OR9G4: variants seen among roughly 807,000 people sequenced by gnomAD.
OR9G4 encodes the protein olfactory receptor 9G4.
Under a neutral mutation model 16.7 loss-of-function variants are expected in OR9G4, and 19 were observed. The observed-to-expected ratio is 1.14, with a 90% CI of 0.79 to 1.67. The LOEUF is 1.67. Among genes scored for constraint, OR9G4 ranks in the 40% most tolerant of loss-of-function variants. The probability of loss-of-function intolerance (pLI) is 0.00; values close to 1 mark genes in which losing one functional copy is unlikely to be tolerated. For missense variants in OR9G4, 428 were observed against 370.4 expected, an observed-to-expected ratio of 1.16 and a Z score of -1.28; for synonymous variants, 182 against 146.2, an observed-to-expected ratio of 1.24 and a Z score of -1.76.
chr11:56,741,228 T>G lies in OR9G4; in HGVS notation c.*1600A>C, dbSNP rs1187963877. ...AATTCAACAAGAAAAATTGTGTTTCTTTGTGTTTCGTTTGTTTGTTATGAT... is the reference window on the plus strand; with the variant it reads ...AATTCAACAAGAAAAATTGTGTTTCGTTGTGTTTCGTTTGTTTGTTATGAT... On this transcript the variant is annotated 3_prime_UTR_variant, in exon 2 of 2. Coordinates refer to ENST00000641668, the MANE Select transcript of OR9G4 (RefSeq NM_001005284.2). 5.8e-6 allele frequency: 2 copies of G among 346,204 alleles called. No individual in the cohort carries two copies. The highest frequency in any genetic ancestry group is 1.1e-5 in the Non-Finnish European group (2 of 179,856). The allele number at this position is 346,204 out of a possible 1,614,324, so 21.4% of individuals were successfully genotyped here.
Position 56,743,652 on chromosome 11 carries a change from AG to A in OR9G4, c.114del (p.Leu39CysfsTer5). 1 of 1,614,128 alleles carries A rather than the reference AG, an allele frequency of 6.2e-7. No individual in the cohort carries two copies. The highest frequency in any genetic ancestry group is 2.2e-5 in the East Asian group (1 of 44,872). The part of the protein sequence containing the change: ...FGVFLMLYLI[T>X]LSGNMTLVIL... ...ATAACCAAGGTCATGTTTCCTGACA[AG>A]GTTATCAAATAGAGCATCAGAAACA... On this transcript the variant is annotated frameshift_variant, in exon 2 of 2. Coordinates refer to ENST00000641668, the MANE Select transcript of OR9G4 (RefSeq NM_001005284.2). LOFTEE classifies it high-confidence loss of function.
At chr11:56,747,626 G>A (rs1405245406) in intron 1 of OR9G4, among the ~76,000 whole-genome samples, 1 of 151,956 alleles carries the variant, frequency 6.6e-6, no homozygotes, top group Admixed American at 6.6e-5. Context: ...GTGAGTAATT[G>A]GTTAATTACC....
rs1481397551 is a variant in OR9G4, at chr11:56,743,714, G to A, written c.53C>T (p.Ser18Leu). The change falls in exon 2 of 2, where the codon TCA (serine) becomes TTA (leucine). Residue 18 changes from serine to leucine, a missense_variant. By Grantham distance (145) the Ser-to-Leu change is moderately radical. Coordinates refer to ENST00000641668, the MANE Select transcript of OR9G4 (RefSeq NM_001005284.2). ...ILTEFILLGF[S>L]ADSQWQPILF... is the part of the protein sequence containing the mutation. ...AATCGGCTGCCACTGGGAATCTGCT[G>A]AGAAACCCAACAAGATGAATTCAGT... 6.8e-6 allele frequency: 11 copies of A among 1,614,002 alleles called. No homozygotes were observed. The highest frequency in any genetic ancestry group is 8.5e-6 in the Non-Finnish European group (10 of 1,179,970).
chr11:56,744,216 T>G (rs1256556661), intron 1 of OR9G4, among the ~76,000 whole-genome samples: 1 of 152,052 alleles, frequency 6.6e-6, no homozygotes, highest in East Asian at 1.9e-4. Context: ...TACGGGCACC[T>G]ACCACCACAC....
At position 56,743,639 on chromosome 11, in the gene OR9G4, AT is replaced by A; in HGVS notation, c.127del (p.Met43Ter). ...MLYLITLSGNMTLVILIRTDS... is the reference protein window; with the variant it reads ...MLYLITLSGNXTLVILIRTDS... The stretch of plus-strand genomic sequence containing the variant: ...AGTTCGGATTAAGATAACCAAGGTC[AT>A]GTTTCCTGACAAGGTTATCAAATAG... On this transcript the variant is annotated frameshift_variant, in exon 2 of 2. Transcript: ENST00000641668. LOFTEE classifies it high-confidence loss of function. The A allele has an allele frequency of 6.2e-7, 1 of 1,613,994 alleles. No homozygotes were observed. The highest frequency in any genetic ancestry group is 8.5e-7 in the Non-Finnish European group (1 of 1,179,860).
Position 56,742,384 on chromosome 11 carries a change from T to C in OR9G4, c.*444A>G, listed in dbSNP as rs1858315306. ...CAATTAGAGCTTTCTGAAGAAATTTTGAGGAAATGATTTTCTTAAAATAAA... is the reference window on the plus strand; with the variant it reads ...CAATTAGAGCTTTCTGAAGAAATTTCGAGGAAATGATTTTCTTAAAATAAA... On this transcript the variant is annotated 3_prime_UTR_variant, in exon 2 of 2. Coordinates refer to ENST00000641668, the MANE Select transcript of OR9G4 (RefSeq NM_001005284.2). 6.3e-6 allele frequency: 1 copy of C among 159,446 alleles called. No individual in the cohort carries two copies. The allele number at this position is 159,446 out of a possible 1,614,324, so 9.9% of individuals were successfully genotyped here.
Position 56,743,911 on chromosome 11 carries a change from T to G in OR9G4, c.-22-123A>C, listed in dbSNP as rs901381636. The G allele has an allele frequency of 3.6e-6, 4 of 1,101,538 alleles. No individual in the cohort carries two copies. The African/African-American group carries it at 6.3e-5, about 17-fold the overall frequency. The allele number at this position is 1,101,538 out of a possible 1,614,324, so 68.2% of individuals were successfully genotyped here. On this transcript the variant is annotated intron_variant, in intron 1 of 1. Transcript: ENST00000641668. Reference sequence around the variant, plus strand: ...ATTTTTCTCCCTTACTATCTAGAATTATAGGACTTCAGTCCATGATTTGGA... The same window carrying G: ...ATTTTTCTCCCTTACTATCTAGAATGATAGGACTTCAGTCCATGATTTGGA...
At chr11:56,744,972 T>C (rs1296097231) in intron 1 of OR9G4, among the ~76,000 whole-genome samples, 2 of 152,220 alleles carry the variant, frequency 1.3e-5, no homozygotes, top group African/African-American at 4.8e-5. Flanking sequence ...AACCCAGACC[T>C]TCTTACTTGG....
At position 56,742,464 on chromosome 11, in the gene OR9G4, G is replaced by A. The variant is rs1858316962; in HGVS notation, c.*364C>T. The A allele has an allele frequency of 5.6e-6, 1 of 177,022 alleles. No homozygotes were observed. The highest frequency in any genetic ancestry group is 1.2e-5 in the Non-Finnish European group (1 of 84,020). 11.0% of individuals were successfully genotyped at this position (177,022 alleles called of 1,614,324 possible). ...AAGCCTCACCCTTTCAGATATTCTT[G>A]TCACCTAGTAAAGATTGCTTACCAA... On this transcript the variant is annotated 3_prime_UTR_variant, in exon 2 of 2. Coordinates refer to ENST00000641668, the MANE Select transcript of OR9G4 (RefSeq NM_001005284.2).
chr11:56,743,895 C>T, intron 1 of OR9G4, 107 bp from the exon 2 acceptor site: 1 of 1,278,936 alleles, frequency 7.8e-7, no homozygotes, highest in Non-Finnish European at 1.1e-6. Flanking sequence ...GATTTTTCTC[C>T]CTTACTATCT....
chr11:56,743,489 G>T lies in OR9G4; in HGVS notation c.278C>A (p.Ser93Tyr). Residue 93 changes from serine to tyrosine, a missense_variant, in exon 2 of 2, where the codon TCC becomes TAC. Transcript: ENST00000641668. ...ASCVSEDKRI[S>Y]LAGCGAQLFF... ...CAGCTGAGCCCCACATCCAGCCAAG[G>T]AAATGCGCTTATCTTCTGAGACACA... 1 of 1,614,170 alleles carries T rather than the reference G, an allele frequency of 6.2e-7. No homozygotes were observed. The highest frequency in any genetic ancestry group is 1.1e-5 in the South Asian group (1 of 91,088).
In OR9G4 at chr11:56,742,800, A is replaced by G. The variant is rs953471411; in HGVS notation, c.*28T>C. 16 of 1,583,906 alleles carry G rather than the reference A, an allele frequency of 1.0e-5. No individual in the cohort carries two copies. Among genetic ancestry groups the G allele is most frequent in the East Asian group, 6.7e-5 (3 of 44,618 alleles). On this transcript the variant is annotated 3_prime_UTR_variant, in exon 2 of 2. Transcript: ENST00000641668. ...ATAAGCCAATAATCTGGAAAATTCAATAACAGCATTTGCAAAGAGAATAAC... is the reference window on the plus strand; with the variant it reads ...ATAAGCCAATAATCTGGAAAATTCAGTAACAGCATTTGCAAAGAGAATAAC...
intron 1 of OR9G4, among the ~76,000 whole-genome samples, chr11:56,744,988 C>T (rs1422709246): frequency 6.6e-6 from 1 of 152,160 alleles, no homozygotes; most frequent in Non-Finnish European, 1.5e-5. Flanking sequence ...CTTGGTAGTT[C>T]CATAATCTTG....
Position 56,742,840 on chromosome 11 carries a change from T to C in OR9G4, c.927A>G (p.Gln309=). Residue 309 remains glutamine, a synonymous_variant, in exon 2 of 2, where the codon CAA becomes CAG. Coordinates refer to ENST00000641668, the MANE Select transcript of OR9G4 (RefSeq NM_001005284.2). ...AAGAGAATAACCTTCATGTTTGTGG[T>C]TGTATAGTCTGTGTTGCTTTCCTGA... The part of the protein sequence containing the change: ...EAFRKATQTI[Q]PQT The C allele has an allele frequency of 6.2e-7, 1 of 1,613,182 alleles. No homozygotes were observed. Among genetic ancestry groups the C allele is most frequent in the Non-Finnish European group, 8.5e-7 (1 of 1,179,612 alleles).
chr11:56,743,333 A>C lies in OR9G4; in HGVS notation c.434T>G (p.Val145Gly). ...TMSTALCTGL[V>G]AGSYIGGFLN... is the part of the protein sequence containing the mutation. ...AAATCCTCCTATGTAGGAGCCAGCA[A>C]CAAGCCCAGTACAGAGGGCGGTGGA... Residue 145 changes from valine to glycine, a missense_variant, in exon 2 of 2, where the codon GTT becomes GGT. Coordinates refer to ENST00000641668, the MANE Select transcript of OR9G4 (RefSeq NM_001005284.2). 6.2e-7 allele frequency: 1 copy of C among 1,614,214 alleles called. No individual in the cohort carries two copies. The highest frequency in any genetic ancestry group is 1.3e-5 in the African/African-American group (1 of 75,052).
rs776229485 is a variant in OR9G4 at position 56,743,227 on chromosome 11, A to G, written c.540T>C (p.Asp180=). ...GKNIIDHFFC[D]APPLVKMSCT... is the part of the protein sequence containing the mutation. ...AGGACATTTTTACCAATGGTGGTGC[A>G]TCACAGAAAAAGTGGTCAATGATAT... is the stretch of plus-strand genomic sequence containing the variant. The change falls in exon 2 of 2, where the codon GAT becomes GAC. Residue 180 remains aspartate, a synonymous_variant. Coordinates refer to ENST00000641668, the MANE Select transcript of OR9G4 (RefSeq NM_001005284.2). 1.9e-6 allele frequency: 3 copies of G among 1,614,076 alleles called. No homozygotes were observed. The East Asian group carries it at 6.7e-5, about 36-fold the overall frequency.
chr11:56,747,872 C>T (rs1008032165), intron 1 of OR9G4, among the ~76,000 whole-genome samples: 1 of 152,142 alleles, frequency 6.6e-6, no homozygotes, highest in African/African-American at 2.4e-5. Context: ...GACAGGGCTT[C>T]ACTATGTTGG....
At chr11:56,745,597 T>C (rs957806800) in intron 1 of OR9G4, among the ~76,000 whole-genome samples, 1 of 151,758 alleles carries the variant, frequency 6.6e-6, no homozygotes, top group African/African-American at 2.4e-5. Flanking sequence ...CTGACCAACA[T>C]AGCAAAATCC....
intron 1 of OR9G4, among the ~76,000 whole-genome samples, chr11:56,745,741 C>T (rs2135061425): frequency 6.8e-6 from 1 of 147,268 alleles, no homozygotes; most frequent in Non-Finnish European, 1.5e-5. Flanking sequence ...CATTGCACTC[C>T]AGCAAGGGTG....
Sources: gnomAD v4.1 joint callset for allele counts (sites outside exome capture counted in the v4.1 genomes callset) on GRCh38, gnomAD v4.1.1 for gene constraint, MANE v1.5 for transcripts, NCBI Gene and HGNC (gene_info 2026-07-23, HGNC 2026-07-21) for gene names.